The following SOX6 variants were observed in gnomAD, a reference collection of about 807,000 sequenced individuals.
The protein encoded by SOX6 is SRY-box transcription factor 6, also known as transcription factor SOX-6.
In SOX6, 11 loss-of-function variants were observed where a neutral mutation model predicts 97.8. The observed-to-expected ratio is 0.11, with a 90% CI of 0.07 to 0.19. The LOEUF (loss-of-function observed/expected upper bound fraction) is 0.19, where lower values mean the gene tolerates loss of function less well. Among genes scored for constraint, SOX6 ranks in the 10% least tolerant of loss-of-function variants. The probability of loss-of-function intolerance (pLI) is 1.00; values close to 1 mark genes in which losing one functional copy is unlikely to be tolerated. For synonymous variants in SOX6, 360 were observed against 371.4 expected, an observed-to-expected ratio of 0.97 and a Z score of 0.35; for missense variants, 810 against 1,039.5, an observed-to-expected ratio of 0.78 and a Z score of 3.04.
chr11:16,277,891 G>A (rs1421380328), intron 3 of SOX6, among the ~76,000 whole-genome samples: 1 of 152,128 alleles, frequency 6.6e-6, no homozygotes, highest in African/African-American at 2.4e-5. Flanking sequence ...TGTGGCCTTG[G>A]TTAGGCCAAT....
chr11:16,719,580 A>C (rs1202682300), intron 2 of SOX6, among the ~76,000 whole-genome samples: 1 of 152,200 alleles, frequency 6.6e-6, no homozygotes, highest in Non-Finnish European at 1.5e-5. Flanking sequence ...CTGTACCTTG[A>C]TATAATCAAG....
intron 2 of SOX6, among the ~76,000 whole-genome samples, chr11:16,322,716 G>T (rs181431411): frequency 2.0e-5 from 3 of 152,224 alleles, no homozygotes; most frequent in African/African-American, 7.2e-5. Flanking sequence ...CAATGAGGGG[G>T]CCAAGGAATT....
rs533630862 is a variant in SOX6, at chr11:16,078,232, C to T, written c.1101+17764G>A. Reference sequence around the variant, plus strand: ...TTCTCTGAATTTGCTCCAAGTGGTACGGCTTATATTTGTAATGTTCCTTTA... The same window carrying T: ...TTCTCTGAATTTGCTCCAAGTGGTATGGCTTATATTTGTAATGTTCCTTTA... On this transcript the variant is annotated intron_variant, in intron 9 of 15. Coordinates refer to ENST00000683767, the MANE Select transcript of SOX6 (RefSeq NM_001367873.1). Among the ~76,000 whole-genome samples the T allele has an allele frequency of 3.9e-5, 6 of 152,202 alleles. No individual in the cohort carries two copies. The South Asian group carries it at 6.2e-4, about 16-fold the overall frequency.
intron 4 of SOX6, among the ~76,000 whole-genome samples, chr11:16,188,674 T>C (rs1851548017): frequency 6.6e-6 from 1 of 152,216 alleles, no homozygotes; most frequent in South Asian, 2.1e-4. Context: ...TTTTCTGAAT[T>C]GCCACTATGT....
intron 14 of SOX6, among the ~76,000 whole-genome samples, chr11:15,987,733 T>G (rs1165112969): frequency 7.1e-6 from 1 of 140,732 alleles, no homozygotes; most frequent in African/African-American, 2.6e-5. Flanking sequence ...AAAAAAAAAA[T>G]GTATGTCCAC....
intron 4 of SOX6, among the ~76,000 whole-genome samples, chr11:16,502,588 C>T (rs1046680989): frequency 2.2e-4 from 33 of 151,950 alleles, no homozygotes; most frequent in African/African-American, 7.2e-4. Context: ...TTGAAAGCTT[C>T]GATCATACAC....
chr11:16,531,117 T>C (rs1442509943), intron 4 of SOX6, among the ~76,000 whole-genome samples: 2 of 150,278 alleles, frequency 1.3e-5, no homozygotes, highest in South Asian at 2.1e-4. Context: ...ATTGTTGCAA[T>C]AAGGACACAC....
intron 4 of SOX6, among the ~76,000 whole-genome samples, chr11:16,509,130 G>C (rs1402011051): frequency 6.6e-6 from 1 of 151,646 alleles, no homozygotes; most frequent in Non-Finnish European, 1.5e-5. Flanking sequence ...TATACCTTTT[G>C]TACCTTTAGA....
At chr11:16,091,574 C>T (rs758504629) in intron 9 of SOX6, among the ~76,000 whole-genome samples, 4 of 151,980 alleles carry the variant, frequency 2.6e-5, no homozygotes, top group Non-Finnish European at 4.4e-5. Flanking sequence ...CCATTTGTAG[C>T]ACAAAAATTG....
intron 3 of SOX6, among the ~76,000 whole-genome samples, chr11:16,268,702 T>C (rs925287380): frequency 1.3e-5 from 2 of 151,244 alleles, no homozygotes; most frequent in Non-Finnish European, 3.0e-5. Context: ...ATAGGCTACA[T>C]AGGGCCATTT....
intron 3 of SOX6, among the ~76,000 whole-genome samples, chr11:16,273,585 C>G (rs1462813637): frequency 2.0e-5 from 3 of 151,690 alleles, no homozygotes; most frequent in Non-Finnish European, 2.9e-5. Context: ...ATTTTTTCAC[C>G]CCTGAGAAAT....
chr11:16,029,847 A>C (rs1410206740), intron 12 of SOX6, among the ~76,000 whole-genome samples: 1 of 152,212 alleles, frequency 6.6e-6, no homozygotes, highest in Admixed American at 6.5e-5. Flanking sequence ...ATAATTATAC[A>C]AGCTACAAAA....
chr11:16,326,096 T>C (rs1856080787), intron 2 of SOX6, among the ~76,000 whole-genome samples: 2 of 152,166 alleles, frequency 1.3e-5, no homozygotes, highest in Admixed American at 6.6e-5. Flanking sequence ...AGCAGCAGTA[T>C]TGGACTAAGA....
chr11:16,583,617 A>ATATATATATATATATATACATATG (rs1848056421), intron 4 of SOX6, among the ~76,000 whole-genome samples: 5 of 82,454 alleles, frequency 6.1e-5, no homozygotes, highest in South Asian at 3.5e-4. Flanking sequence ...ATATATACAT[A>ATATATATATATATATATACATATG]TATATATATA....
intron 3 of SOX6, among the ~76,000 whole-genome samples, chr11:16,283,112 T>TATATATATGA: frequency 7.1e-6 from 1 of 141,684 alleles, no homozygotes; most frequent in Non-Finnish European, 1.5e-5. Flanking sequence ...TATATATATA[T>TATATATATGA]ATGACTCTGC....
chr11:16,143,822 C>T (rs1045210764), intron 6 of SOX6, among the ~76,000 whole-genome samples: 3 of 152,148 alleles, frequency 2.0e-5, no homozygotes, highest in Non-Finnish European at 2.9e-5. Context: ...TACATATGCA[C>T]CCAATACAGG....
At chr11:16,180,360 T>C (rs1242621996) in intron 6 of SOX6, among the ~76,000 whole-genome samples, 2 of 151,728 alleles carry the variant, frequency 1.3e-5, no homozygotes, top group Non-Finnish European at 3.0e-5. Flanking sequence ...CTGAAGCAGT[T>C]ATCTTTCCTT....
intron 13 of SOX6, among the ~76,000 whole-genome samples, chr11:15,996,596 G>A (rs1475878683): frequency 1.3e-5 from 2 of 151,982 alleles, no homozygotes; most frequent in African/African-American, 4.8e-5. Flanking sequence ...CTGGGTGATG[G>A]AACAAGACCT....
chr11:16,217,715 C>T (rs1396904481), intron 4 of SOX6, among the ~76,000 whole-genome samples: 2 of 152,058 alleles, frequency 1.3e-5, no homozygotes, highest in Non-Finnish European at 2.9e-5. Flanking sequence ...AGACAGGAGC[C>T]ATGTGCATAT....
Sources: allele counts gnomAD v4.1 joint callset (sites outside exome capture counted in the v4.1 genomes callset), GRCh38; gene constraint gnomAD v4.1.1; transcripts MANE v1.5; gene names NCBI Gene and HGNC (gene_info 2026-07-23, HGNC 2026-07-21).